The following LHFPL3 variants were observed in gnomAD, a reference collection of about 807,000 sequenced individuals.
LHFPL3 encodes the protein LHFPL tetraspan subfamily member 3, also known as LHFPL tetraspan subfamily member 3 protein.
In LHFPL3, 5 loss-of-function variants were observed where a neutral mutation model predicts 19.3. The ratio of observed to expected loss-of-function variants is 0.26; its 90% CI spans 0.14 to 0.54. LHFPL3 has a LOEUF of 0.54. Ranked by LOEUF, LHFPL3 falls within the 20% of genes least tolerant of loss-of-function variation. LHFPL3 has a pLI of 0.94. For missense variants in LHFPL3, 249 were observed against 307.4 expected, an observed-to-expected ratio of 0.81 and a Z score of 1.42; for synonymous variants, 133 against 126.2, an observed-to-expected ratio of 1.05 and a Z score of -0.36.
At chr7:104,353,402 C>G (rs987779852) in intron 1 of LHFPL3, among the ~76,000 whole-genome samples, 1 of 152,192 alleles carries the variant, frequency 6.6e-6, no homozygotes, top group Non-Finnish European at 1.5e-5. Flanking sequence ...TCTTAACATT[C>G]TGTCACTGAA....
In LHFPL3 at chr7:104,448,423, C is replaced by T. The variant is rs368972564; in HGVS notation, c.445+119199C>T. Among the ~76,000 whole-genome samples the T allele has an allele frequency of 2.4e-4, 36 of 152,230 alleles. No homozygotes were observed. In the East Asian group the frequency reaches 3.5e-3, roughly 15 times the overall value. On this transcript the variant is annotated intron_variant, in intron 1 of 2. Transcript: ENST00000424859. Reference sequence around the variant, plus strand: ...TATAATTACCCAGTTTTGGTAAACACGCATTATTTAGCCAATACAGCAAAA... The same window carrying T: ...TATAATTACCCAGTTTTGGTAAACATGCATTATTTAGCCAATACAGCAAAA...
At chr7:104,506,688 A>G (rs1175367473) in intron 1 of LHFPL3, among the ~76,000 whole-genome samples, 2 of 152,266 alleles carry the variant, frequency 1.3e-5, no homozygotes, top group Non-Finnish European at 2.9e-5. Flanking sequence ...GATTTGTACA[A>G]GGTCATACAG....
At chr7:104,542,953 C>A (rs1231600117) in intron 1 of LHFPL3, among the ~76,000 whole-genome samples, 1 of 152,054 alleles carries the variant, frequency 6.6e-6, no homozygotes, top group East Asian at 1.9e-4. Context: ...ACATATACAC[C>A]ATGGAATATT....
chr7:104,432,846 CTT>C (rs2064720405), intron 1 of LHFPL3, among the ~76,000 whole-genome samples: 2 of 152,248 alleles, frequency 1.3e-5, no homozygotes, highest in Admixed American at 6.5e-5. Flanking sequence ...GATTCACACT[CTT>C]TTTTATCTTC....
At chr7:104,755,950 C>T (rs1021208702) in intron 2 of LHFPL3, among the ~76,000 whole-genome samples, 3 of 152,176 alleles carry the variant, frequency 2.0e-5, no homozygotes, top group African/African-American at 7.2e-5. Flanking sequence ...CTGCCTTGGC[C>T]TCCCAAAGTG....
chr7:104,663,579 C>A (rs939290056), intron 1 of LHFPL3, among the ~76,000 whole-genome samples: 1 of 152,224 alleles, frequency 6.6e-6, no homozygotes, highest in Non-Finnish European at 1.5e-5. Context: ...TAAAAAGACT[C>A]ATATGCCCTG....
intron 1 of LHFPL3, among the ~76,000 whole-genome samples, chr7:104,652,483 A>C (rs1726333333): frequency 6.6e-6 from 1 of 152,212 alleles, no homozygotes; most frequent in Non-Finnish European, 1.5e-5. Flanking sequence ...TAGAAGGTGT[A>C]ATGATCAAAT....
intron 1 of LHFPL3, among the ~76,000 whole-genome samples, chr7:104,349,910 A>G: frequency 6.6e-6 from 1 of 152,136 alleles, no homozygotes; most frequent in East Asian, 1.9e-4. Flanking sequence ...TTGAGTAAAG[A>G]TTTAGTGTTA....
intron 2 of LHFPL3, among the ~76,000 whole-genome samples, chr7:104,807,225 G>C (rs1042051028): frequency 1.5e-4 from 23 of 152,074 alleles, no homozygotes; most frequent in African/African-American, 5.6e-4. Context: ...TGCACAGAGA[G>C]AGCACCATGT....
chr7:104,845,773 A>G (rs1475766157), intron 2 of LHFPL3, among the ~76,000 whole-genome samples: 1 of 152,230 alleles, frequency 6.6e-6, no homozygotes, highest in African/African-American at 2.4e-5. Flanking sequence ...TCTCACTGCA[A>G]CATACTACTA....
At chr7:104,338,362 G>A (rs989980657) in intron 1 of LHFPL3, among the ~76,000 whole-genome samples, 1 of 152,052 alleles carries the variant, frequency 6.6e-6, no homozygotes, top group Admixed American at 6.5e-5. Flanking sequence ...GCCTCCCAAA[G>A]TGCTGGGATT....
chr7:104,449,053 C>T (rs147011920), intron 1 of LHFPL3, among the ~76,000 whole-genome samples: 224 of 152,296 alleles, frequency 1.5e-3, no homozygotes, highest in African/African-American at 5.1e-3. Flanking sequence ...TCATTTCCTT[C>T]AGGATAAAAT....
At chr7:104,827,571 G>A (rs1790849061) in intron 2 of LHFPL3, among the ~76,000 whole-genome samples, 1 of 150,462 alleles carries the variant, frequency 6.6e-6, no homozygotes, top group South Asian at 2.1e-4. Flanking sequence ...CTGTGCACAT[G>A]TTCAGTATTT....
chr7:104,339,881 A>C (rs1193342393), intron 1 of LHFPL3, among the ~76,000 whole-genome samples: 4 of 152,192 alleles, frequency 2.6e-5, no homozygotes, highest in Non-Finnish European at 4.4e-5. Context: ...CAACATCCAC[A>C]TTACTGGCTC....
At chr7:104,405,542 C>T (rs964602943) in intron 1 of LHFPL3, among the ~76,000 whole-genome samples, 3 of 152,158 alleles carry the variant, frequency 2.0e-5, no homozygotes, top group African/African-American at 7.2e-5. Context: ...TATCAACACT[C>T]TTATGAAATA....
At chr7:104,684,995 G>C (rs572909915) in intron 1 of LHFPL3, among the ~76,000 whole-genome samples, 17 of 152,178 alleles carry the variant, frequency 1.1e-4, no homozygotes, top group Non-Finnish European at 2.1e-4. Flanking sequence ...GATTATCTCA[G>C]ATTATCCTGC....
At chr7:104,536,663 G>A (rs1033923602) in intron 1 of LHFPL3, among the ~76,000 whole-genome samples, 2 of 152,094 alleles carry the variant, frequency 1.3e-5, no homozygotes, top group South Asian at 2.1e-4. Context: ...GTTTCCCCTC[G>A]GGTGTCAGCC....
At chr7:104,708,618 A>G (rs1259589269) in intron 1 of LHFPL3, among the ~76,000 whole-genome samples, 2 of 152,106 alleles carry the variant, frequency 1.3e-5, no homozygotes, top group African/African-American at 4.8e-5. Context: ...TAATATTTAT[A>G]TACTATAATT....
At chr7:104,891,737 A>T (rs1792250209) in intron 2 of LHFPL3, among the ~76,000 whole-genome samples, 1 of 152,258 alleles carries the variant, frequency 6.6e-6, no homozygotes, top group African/African-American at 2.4e-5. Context: ...ATAGTGAGCA[A>T]GAGATGGACA....
Sources: gnomAD v4.1 joint callset for allele counts (sites outside exome capture counted in the v4.1 genomes callset) on GRCh38, gnomAD v4.1.1 for gene constraint, MANE v1.5 for transcripts, NCBI Gene and HGNC (gene_info 2026-07-23, HGNC 2026-07-21) for gene names.